The following RCAN2 variants were observed in gnomAD, a reference collection of about 807,000 sequenced individuals.
The protein encoded by RCAN2 is regulator of calcineurin 2, also known as calcipressin-2.
A neutral mutation model predicts 23.6 loss-of-function variants in RCAN2; 9 were observed. The ratio of observed to expected loss-of-function variants is 0.38; its 90% CI spans 0.23 to 0.67. The LOEUF (loss-of-function observed/expected upper bound fraction) is 0.67, where lower values mean the gene tolerates loss of function less well. Among genes scored for constraint, RCAN2 ranks in the 30% least tolerant of loss-of-function variants. The pLI is 0.51. For missense variants in RCAN2, 273 were observed against 302.3 expected (o/e 0.90, Z 0.72); for synonymous variants, 109 against 115.7 (o/e 0.94, Z 0.37).
chr6:46,246,667 G>C, intron 4 of RCAN2, 81 bp downstream of exon 4: 2 of 1,178,050 alleles, frequency 1.7e-6, no homozygotes, highest in Non-Finnish European at 2.5e-6. Flanking sequence ...TGTGAACCCA[G>C]GATCTCAAGG....
At chr6:46,324,900 C>T (rs1763740648) in intron 2 of RCAN2, among the ~76,000 whole-genome samples, 1 of 152,226 alleles carries the variant, frequency 6.6e-6, no homozygotes, top group Admixed American at 6.5e-5. Context: ...AAGCTGGGGA[C>T]TGAAACTGCC....
intron 2 of RCAN2, among the ~76,000 whole-genome samples, chr6:46,341,204 C>A (rs1316273505): frequency 6.6e-6 from 1 of 152,096 alleles, no homozygotes; most frequent in East Asian, 1.9e-4. Context: ...ATGCCCTATA[C>A]TTTAAAAAGA....
intron 2 of RCAN2, among the ~76,000 whole-genome samples, chr6:46,379,042 CTTT>C (rs1435455300): frequency 6.6e-6 from 1 of 152,110 alleles, no homozygotes; most frequent in East Asian, 1.9e-4. Flanking sequence ...ACACAAGAAG[CTTT>C]TTAAGTTTGA....
At chr6:46,350,759 G>A (rs1764624116) in intron 2 of RCAN2, among the ~76,000 whole-genome samples, 1 of 152,172 alleles carries the variant, frequency 6.6e-6, no homozygotes, top group Non-Finnish European at 1.5e-5. Flanking sequence ...AATAGCTTGA[G>A]GAAGGATCCT....
At chr6:46,352,606 T>C (rs1192785497) in intron 2 of RCAN2, among the ~76,000 whole-genome samples, 1 of 152,058 alleles carries the variant, frequency 6.6e-6, no homozygotes, top group African/African-American at 2.4e-5. Context: ...CTCAAAATAT[T>C]AGGTAGAAAG....
chr6:46,472,797 AAAG>A (rs1350641091), intron 1 of RCAN2, among the ~76,000 whole-genome samples: 1 of 152,210 alleles, frequency 6.6e-6, no homozygotes, highest in Non-Finnish European at 1.5e-5. Context: ...ATAAGTCTTG[AAAG>A]AAGAAGGAAC....
In RCAN2 at chr6:46,221,855, G is replaced by T. The variant is rs771919593; in HGVS notation, c.*1286C>A. On this transcript the variant is annotated 3_prime_UTR_variant, in exon 5 of 5. Coordinates refer to ENST00000371374, the MANE Select transcript of RCAN2 (RefSeq NM_001251974.2). ...AGCAGAAGGTAATGGTTCTATAGGT[G>T]TATCTTCTGTAATGCACTTTGGGCT... 1 of 398,322 alleles carries T rather than the reference G, an allele frequency of 2.5e-6. No homozygotes were observed. Among genetic ancestry groups the T allele is most frequent in the Non-Finnish European group, 4.4e-6 (1 of 225,862 alleles). The allele number at this position is 398,322 out of a possible 1,614,324, so 24.7% of individuals were successfully genotyped here. A position where few individuals can be genotyped will look rare whatever the true frequency, so the allele number is the denominator to read the frequency against.
chr6:46,386,610 C>CAAAAAAAAAAAAA (rs142110760), intron 2 of RCAN2, among the ~76,000 whole-genome samples: 2 of 91,652 alleles, frequency 2.2e-5, no homozygotes, highest in Non-Finnish European at 3.7e-5. Flanking sequence ...CTCTGTCTCA[C>CAAAAAAAAAAAAA]AAAAAAAAAA....
intron 2 of RCAN2, among the ~76,000 whole-genome samples, chr6:46,290,450 T>C (rs1352001733): frequency 6.6e-6 from 1 of 152,200 alleles, no homozygotes; most frequent in Admixed American, 6.5e-5. Flanking sequence ...CTTTGTCTAT[T>C]CTTAGTTTAT....
At position 46,428,335 on chromosome 6, in the gene RCAN2, C is replaced by T. The variant is rs532657857; in HGVS notation, c.225+28417G>A. ...AAAAAAAAGTCCCTCACCACAGCAG[C>T]GTCACCTTGTAGTATTTATTCCCAC... On this transcript the variant is annotated intron_variant, in intron 2 of 4. Transcript: ENST00000371374. Among the ~76,000 whole-genome samples, 5 of 152,294 alleles carry T rather than the reference C, an allele frequency of 3.3e-5. No individual in the cohort carries two copies. In the South Asian group the frequency reaches 6.2e-4, roughly 19 times the overall value.
chr6:46,228,612 G>C (rs1261515814), intron 4 of RCAN2, among the ~76,000 whole-genome samples: 7 of 150,456 alleles, frequency 4.7e-5, no homozygotes, highest in Non-Finnish European at 8.9e-5. Context: ...CTTTTTTTTT[G>C]TTTTCTATTT....
chr6:46,422,431 G>A (rs917459449), intron 2 of RCAN2, among the ~76,000 whole-genome samples: 2 of 152,004 alleles, frequency 1.3e-5, no homozygotes, highest in African/African-American at 4.8e-5. Context: ...TTCCTTTATA[G>A]TAACACAAAT....
chr6:46,393,572 T>A (rs1163785684), intron 2 of RCAN2, among the ~76,000 whole-genome samples: 1 of 152,174 alleles, frequency 6.6e-6, no homozygotes, highest in Non-Finnish European at 1.5e-5. Flanking sequence ...GCAGAATAGA[T>A]TATTTGGCTT....
intron 4 of RCAN2, among the ~76,000 whole-genome samples, chr6:46,227,916 C>T: frequency 6.6e-6 from 1 of 152,260 alleles, no homozygotes. Flanking sequence ...GCATTTAGTG[C>T]TATAAATTTC....
chr6:46,468,006 G>C (rs561974929), intron 1 of RCAN2, among the ~76,000 whole-genome samples: 3 of 152,318 alleles, frequency 2.0e-5, no homozygotes, highest in Admixed American at 1.3e-4. Context: ...TTTTCTGCAA[G>C]TTAGCTCTGC....
rs76905859 is a variant in RCAN2 at position 46,329,529 on chromosome 6, T to G, written c.226-80633A>C. 2.7e-4 allele frequency among the ~76,000 whole-genome samples: 41 copies of G among 152,166 alleles called. No individual in the cohort carries two copies. In the East Asian group the frequency reaches 6.0e-3, roughly 22 times the overall value. On this transcript the variant is annotated intron_variant, in intron 2 of 4. Transcript: ENST00000371374. The stretch of plus-strand genomic sequence containing the variant: ...CTTAGGAGTTACTCTAATAAACATC[T>G]GAAAGATGAATGGATAAATACACAA...
At chr6:46,399,669 C>G (rs772709314) in intron 2 of RCAN2, among the ~76,000 whole-genome samples, 11 of 151,874 alleles carry the variant, frequency 7.2e-5, no homozygotes, top group Non-Finnish European at 1.5e-4. Flanking sequence ...AGCAATCCCT[C>G]CACTCCTGGC....
intron 3 of RCAN2, among the ~76,000 whole-genome samples, chr6:46,247,331 C>A (rs929415161): frequency 6.6e-6 from 1 of 152,134 alleles, no homozygotes; most frequent in Non-Finnish European, 1.5e-5. Flanking sequence ...TCCTTCCTTC[C>A]TTGGTGAAAT....
chr6:46,231,270 C>T (rs56735813), intron 4 of RCAN2, among the ~76,000 whole-genome samples: 1,780 of 152,192 alleles, frequency 0.012, 27 homozygotes, highest in African/African-American at 0.041. Flanking sequence ...AGGAACTACC[C>T]AAAGCTACGA....
Sources: gnomAD v4.1 joint callset for allele counts (sites outside exome capture counted in the v4.1 genomes callset) on GRCh38, gnomAD v4.1.1 for gene constraint, MANE v1.5 for transcripts, NCBI Gene and HGNC (gene_info 2026-07-23, HGNC 2026-07-21) for gene names.